POU6F2: variants seen among roughly 807,000 people sequenced by gnomAD.
The protein encoded by POU6F2 is POU domain, class 6, transcription factor 2.
In POU6F2, 31 loss-of-function variants were observed where a neutral mutation model predicts 71.3. That is an observed-to-expected ratio of 0.43 (90% CI 0.33 to 0.59). The LOEUF is 0.59. POU6F2 is among the 20% of genes least tolerant of loss of function. The probability of loss-of-function intolerance (pLI) is 0.04; values close to 1 mark genes in which losing one functional copy is unlikely to be tolerated. For missense variants in POU6F2, 783 were observed against 856.8 expected (o/e 0.91, Z 1.07); for synonymous variants, 347 against 355.7 (o/e 0.98, Z 0.27).
intron 2 of POU6F2, among the ~76,000 whole-genome samples, chr7:39,110,319 A>G (rs1272370494): frequency 2.6e-5 from 4 of 151,352 alleles, no homozygotes; most frequent in African/African-American, 9.7e-5. Context: ...TAATTATATG[A>G]ATTATATTAA....
At chr7:39,145,187 C>T (rs913287807) in intron 2 of POU6F2, among the ~76,000 whole-genome samples, 1 of 152,152 alleles carries the variant, frequency 6.6e-6, no homozygotes, top group Non-Finnish European at 1.5e-5. Flanking sequence ...AAAATTCACT[C>T]AATATCAAAA....
At chr7:39,165,119 G>A (rs184322543) in intron 2 of POU6F2, among the ~76,000 whole-genome samples, 25 of 152,252 alleles carry the variant, frequency 1.6e-4, no homozygotes, top group Admixed American at 2.6e-4. Context: ...GACTGGCGGC[G>A]CACTCAGTGT....
At chr7:38,994,512 G>T (rs1351003316) in intron 1 of POU6F2, among the ~76,000 whole-genome samples, 2 of 152,132 alleles carry the variant, frequency 1.3e-5, no homozygotes, top group East Asian at 3.9e-4. Flanking sequence ...CAGGGCATGG[G>T]GGCAGAGTAG....
At chr7:39,245,862 C>T (rs1414256525) in intron 4 of POU6F2, among the ~76,000 whole-genome samples, 3 of 152,198 alleles carry the variant, frequency 2.0e-5, no homozygotes, top group African/African-American at 7.2e-5. Flanking sequence ...TTGCTGCCCT[C>T]ACCACTATTT....
At chr7:39,079,821 T>C (rs1195166549) in intron 1 of POU6F2, among the ~76,000 whole-genome samples, 1 of 152,196 alleles carries the variant, frequency 6.6e-6, no homozygotes, top group Non-Finnish European at 1.5e-5. Context: ...GAAAATCTAC[T>C]GTGGAGCAAT....
chr7:39,407,706 G>T (rs1246631719), intron 6 of POU6F2, among the ~76,000 whole-genome samples: 7 of 152,060 alleles, frequency 4.6e-5, no homozygotes, highest in Admixed American at 4.6e-4. Context: ...GTGGAGAGCA[G>T]GCATTTTGAT....
intron 1 of POU6F2, among the ~76,000 whole-genome samples, chr7:39,050,027 G>C (rs1208252786): frequency 6.6e-6 from 1 of 151,946 alleles, no homozygotes; most frequent in Non-Finnish European, 1.5e-5. Flanking sequence ...TATTATAGCA[G>C]CTCTTGATTC....
intron 6 of POU6F2, 28 bp downstream of exon 6, chr7:39,406,768 A>AT: frequency 6.2e-7 from 1 of 1,611,316 alleles, no homozygotes; most frequent in Non-Finnish European, 8.5e-7. Flanking sequence ...ACAAGAGTGC[A>AT]TTTTTATGGC....
intron 1 of POU6F2, among the ~76,000 whole-genome samples, chr7:39,040,013 AT>A (rs1790149997): frequency 1.7e-5 from 1 of 58,694 alleles, no homozygotes; most frequent in South Asian, 6.0e-4. Flanking sequence ...CAAGATTTTC[AT>A]TACTTCCTAA....
chr7:39,141,025 C>A (rs1193380157), intron 2 of POU6F2, among the ~76,000 whole-genome samples: 1 of 152,106 alleles, frequency 6.6e-6, no homozygotes, highest in Non-Finnish European at 1.5e-5. Context: ...TGTGGCCAGT[C>A]TTAACGTCAG....
intron 6 of POU6F2, among the ~76,000 whole-genome samples, chr7:39,423,461 A>C (rs1787899332): frequency 6.6e-6 from 1 of 152,182 alleles, no homozygotes; most frequent in Non-Finnish European, 1.5e-5. Flanking sequence ...GGAGGCCCTC[A>C]GAAAGGATTT....
rs1787442550 is a variant in POU6F2 at position 39,406,753 on chromosome 7, TG to T, written c.1113+16del. On this transcript the variant is annotated intron_variant, in intron 6 of 9. Coordinates refer to ENST00000518318, the MANE Select transcript of POU6F2 (RefSeq NM_001370959.1). ...TGCACAAGGACAGGTGAGTGGGAGA[TG>T]GGAACAAGAGTGCATTTTTATGGCA... The T allele has an allele frequency of 6.2e-7, 1 of 1,612,624 alleles. No homozygotes were observed. The highest frequency in any genetic ancestry group is 1.3e-5 in the African/African-American group (1 of 74,860).
At chr7:39,251,089 G>A (rs778427819) in intron 4 of POU6F2, among the ~76,000 whole-genome samples, 1 of 152,154 alleles carries the variant, frequency 6.6e-6, no homozygotes, top group African/African-American at 2.4e-5. Context: ...ATTCATTTAC[G>A]TAAATCTAAA....
chr7:39,397,455 C>CAT, intron 5 of POU6F2, among the ~76,000 whole-genome samples: 1 of 132,480 alleles, frequency 7.5e-6, no homozygotes, highest in South Asian at 2.4e-4. Context: ...AAAATATAGA[C>CAT]ATATATATAG....
intron 1 of POU6F2, among the ~76,000 whole-genome samples, chr7:39,063,231 C>CGG (rs1331620323): frequency 6.6e-6 from 1 of 151,690 alleles, no homozygotes; most frequent in African/African-American, 2.4e-5. Context: ...AAGAACTTAA[C>CGG]GGATGTGGCA....
chr7:39,145,997 A>G (rs984750193), intron 2 of POU6F2, among the ~76,000 whole-genome samples: 24 of 152,212 alleles, frequency 1.6e-4, no homozygotes, highest in Non-Finnish European at 1.8e-4. Flanking sequence ...AGTGCCTGCT[A>G]TGTGCACAGA....
At chr7:39,351,509 A>G (rs931870404) in intron 5 of POU6F2, among the ~76,000 whole-genome samples, 2 of 152,212 alleles carry the variant, frequency 1.3e-5, no homozygotes, top group Admixed American at 1.3e-4. Flanking sequence ...AATCTTTAAC[A>G]TCTTCTCAAA....
At chr7:39,310,054 C>G (rs1785131146) in intron 4 of POU6F2, among the ~76,000 whole-genome samples, 1 of 152,090 alleles carries the variant, frequency 6.6e-6, no homozygotes, top group Non-Finnish European at 1.5e-5. Flanking sequence ...CAAAAGCCTG[C>G]CGTAACCCCG....
At chr7:39,252,164 G>A (rs1213254269) in intron 4 of POU6F2, among the ~76,000 whole-genome samples, 1 of 152,052 alleles carries the variant, frequency 6.6e-6, no homozygotes, top group East Asian at 1.9e-4. Context: ...CACTAAAGGA[G>A]TTGACAGACA....
Sources: allele counts gnomAD v4.1 joint callset (sites outside exome capture counted in the v4.1 genomes callset), GRCh38; gene constraint gnomAD v4.1.1; transcripts MANE v1.5; gene names NCBI Gene and HGNC (gene_info 2026-07-23, HGNC 2026-07-21).